Variants in XKR6 observed in about 807,000 individuals in gnomAD.
XKR6 encodes XK related 6.
A neutral mutation model predicts 56.7 loss-of-function variants in XKR6; 22 were observed. That is an observed-to-expected ratio of 0.39 (90% CI 0.28 to 0.55). The LOEUF is 0.55. Ranked by LOEUF, XKR6 falls within the 20% of genes least tolerant of loss-of-function variation. The probability of loss-of-function intolerance (pLI) is 0.66; values close to 1 mark genes in which losing one functional copy is unlikely to be tolerated. For missense variants in XKR6, 852 were observed against 889.0 expected (o/e 0.96, Z 0.53); for synonymous variants, 524 against 387.8 (o/e 1.35, Z -4.13).
chr8:11,148,710 C>G (rs921685620), intron 1 of XKR6, among the ~76,000 whole-genome samples: 1 of 152,184 alleles, frequency 6.6e-6, no homozygotes, highest in African/African-American at 2.4e-5. Context: ...CATGTCCACA[C>G]AAAGACTTGT....
chr8:11,051,407 T>C (rs974484971), intron 1 of XKR6, among the ~76,000 whole-genome samples: 25 of 152,136 alleles, frequency 1.6e-4, no homozygotes, highest in Middle Eastern at 3.2e-3. Flanking sequence ...AGCCCTACAC[T>C]TCCCCAGGGG....
intron 1 of XKR6, among the ~76,000 whole-genome samples, chr8:11,111,401 T>C (rs1222947242): frequency 6.6e-6 from 1 of 152,138 alleles, no homozygotes; most frequent in Non-Finnish European, 1.5e-5. Flanking sequence ...ACAAGTATAT[T>C]TGGATATAAT....
intron 1 of XKR6, among the ~76,000 whole-genome samples, chr8:11,164,571 A>G (rs1341824896): frequency 6.6e-6 from 1 of 152,232 alleles, no homozygotes; most frequent in Non-Finnish European, 1.5e-5. Context: ...TGGCTTTGTC[A>G]CTTTCAAAAG....
chr8:10,946,299 C>G (rs1801536185), intron 1 of XKR6, among the ~76,000 whole-genome samples: 1 of 152,066 alleles, frequency 6.6e-6, no homozygotes, highest in African/African-American at 2.4e-5. Context: ...GACCCCCGAC[C>G]CAAAGTGAAG....
chr8:11,079,975 A>C (rs1216872711), intron 1 of XKR6, among the ~76,000 whole-genome samples: 2 of 152,038 alleles, frequency 1.3e-5, no homozygotes, highest in Non-Finnish European at 2.9e-5. Flanking sequence ...CTCAAAAAAT[A>C]AATAAATAAA....
At chr8:10,913,510 C>T (rs1800469260) in intron 2 of XKR6, among the ~76,000 whole-genome samples, 2 of 152,168 alleles carry the variant, frequency 1.3e-5, no homozygotes, top group Admixed American at 1.3e-4. Context: ...GCCATATGCA[C>T]CCCCCAGCCA....
chr8:11,147,791 T>A (rs1438608160), intron 1 of XKR6, among the ~76,000 whole-genome samples: 1 of 152,138 alleles, frequency 6.6e-6, no homozygotes, highest in Non-Finnish European at 1.5e-5. Context: ...CAACAGTTGA[T>A]CTTACCAAGT....
intron 1 of XKR6, among the ~76,000 whole-genome samples, chr8:10,969,548 C>T (rs1451636088): frequency 6.6e-6 from 1 of 152,214 alleles, no homozygotes; most frequent in Admixed American, 6.5e-5. Flanking sequence ...GAACACACAG[C>T]TTAAGGGGAA....
chr8:10,975,011 C>A (rs1802510811), intron 1 of XKR6, among the ~76,000 whole-genome samples: 1 of 152,150 alleles, frequency 6.6e-6, no homozygotes, highest in South Asian at 2.1e-4. Flanking sequence ...AAAAGAACAT[C>A]TGGTTTCAAA....
rs529612393 is a variant in XKR6 at position 10,969,870 on chromosome 8, G to A, written c.765-45040C>T. 2.0e-3 allele frequency among the ~76,000 whole-genome samples: 299 copies of A among 152,340 alleles called. 2 individuals carry two copies. Among genetic ancestry groups the A allele is most frequent in the African/African-American group, 6.4e-3 (268 of 41,568 alleles). ...GGGTGGTTTATTTGCAGTGCAGCCC[G>A]AAGATGGGATATGCTGCCGTCCCGC... is the stretch of plus-strand genomic sequence containing the variant. On this transcript the variant is annotated intron_variant, in intron 1 of 2. Transcript: ENST00000416569.
Position 11,021,795 on chromosome 8 carries a change from C to T in XKR6, c.765-96965G>A, listed in dbSNP as rs11778447. On this transcript the variant is annotated intron_variant, in intron 1 of 2. Coordinates refer to ENST00000416569, the MANE Select transcript of XKR6 (RefSeq NM_173683.4). ...GACTGACAGCCTCCTGAGATACTAA[C>T]GTGATAAGACACAATCCCTGCCCTC... Among the ~76,000 whole-genome samples, 590 of 152,258 alleles carry T rather than the reference C, an allele frequency of 3.9e-3. 3 individuals are homozygous for T. The highest frequency in any genetic ancestry group is 6.7e-3 in the Non-Finnish European group (453 of 68,018).
At chr8:11,139,560 G>A (rs562488539) in intron 1 of XKR6, among the ~76,000 whole-genome samples, 5 of 152,104 alleles carry the variant, frequency 3.3e-5, no homozygotes, top group Non-Finnish European at 7.4e-5. Flanking sequence ...CTCACCTCCT[G>A]GAACTCGGAA....
intron 1 of XKR6, among the ~76,000 whole-genome samples, chr8:11,111,281 T>C (rs1172151422): frequency 6.6e-6 from 1 of 152,172 alleles, no homozygotes; most frequent in Non-Finnish European, 1.5e-5. Context: ...CAGCCAATAA[T>C]AGAAGGAGGT....
chr8:10,915,223 T>G lies in XKR6; in HGVS notation c.961+9411A>C, dbSNP rs1800525371. Among the ~76,000 whole-genome samples, 6 of 152,246 alleles carry G rather than the reference T, an allele frequency of 3.9e-5. No homozygotes were observed. In the South Asian group the frequency reaches 1.2e-3, roughly 31 times the overall value. ...AGGGTTTTCTGTTTTTTCATTGCTG[T>G]ATCTGTCCCCAGCTCCTGGAACCGT... On this transcript the variant is annotated intron_variant, in intron 2 of 2. Transcript: ENST00000416569.
rs183614337 is a variant in XKR6 at position 10,918,028 on chromosome 8, T to C, written c.961+6606A>G. On this transcript the variant is annotated intron_variant, in intron 2 of 2. Transcript: ENST00000416569. ...CAAGGTTTTGGGGCCAAAATGATAATAGTATCATCCCACATCCATCTCCTC... is the reference window on the plus strand; with the variant it reads ...CAAGGTTTTGGGGCCAAAATGATAACAGTATCATCCCACATCCATCTCCTC... 3.3e-5 allele frequency among the ~76,000 whole-genome samples: 5 copies of C among 152,310 alleles called. No homozygotes were observed. In the South Asian group the frequency reaches 8.3e-4, roughly 25 times the overall value.
At chr8:11,037,398 G>A (rs573505672) in intron 1 of XKR6, among the ~76,000 whole-genome samples, 66 of 152,214 alleles carry the variant, frequency 4.3e-4, no homozygotes, top group African/African-American at 1.5e-3. Context: ...GCTAATCTTT[G>A]TATTTTTGTA....
chr8:10,901,170 C>T (rs1318872572), intron 2 of XKR6, among the ~76,000 whole-genome samples: 3 of 151,684 alleles, frequency 2.0e-5, no homozygotes, highest in African/African-American at 4.9e-5. Context: ...ATTCTCCTGC[C>T]TCAGCCTCCA....
chr8:11,094,715 C>A (rs1191894407), intron 1 of XKR6, among the ~76,000 whole-genome samples: 1 of 152,166 alleles, frequency 6.6e-6, no homozygotes. Flanking sequence ...TCCTCACAGA[C>A]CTCTGGGGTG....
intron 1 of XKR6, among the ~76,000 whole-genome samples, chr8:11,107,305 T>A (rs1586553713): frequency 6.6e-6 from 1 of 151,720 alleles, no homozygotes; most frequent in Non-Finnish European, 1.5e-5. Flanking sequence ...GCTCAAGAGA[T>A]CCTCCTGCCT....
Sources: allele counts gnomAD v4.1 joint callset (sites outside exome capture counted in the v4.1 genomes callset), GRCh38; gene constraint gnomAD v4.1.1; transcripts MANE v1.5; gene names NCBI Gene and HGNC (gene_info 2026-07-23, HGNC 2026-07-21).